The following WWOX variants were observed in gnomAD, a reference collection of about 807,000 sequenced individuals.
The protein encoded by WWOX is WW domain-containing oxidoreductase.
A neutral mutation model predicts 46.2 loss-of-function variants in WWOX; 69 were observed. That is an observed-to-expected ratio of 1.49 (90% confidence interval 1.23 to 1.82). The LOEUF (loss-of-function observed/expected upper bound fraction) is 1.82, where lower values mean the gene tolerates loss of function less well. WWOX is among the 40% of genes most tolerant of loss of function. The pLI is 0.00. For missense variants in WWOX, 919 were observed against 542.6 expected, an observed-to-expected ratio of 1.69 and a Z score of -6.89; for synonymous variants, 359 against 202.6, an observed-to-expected ratio of 1.77 and a Z score of -6.56.
chr16:78,995,466 G>A (rs1024887925), intron 8 of WWOX, among the ~76,000 whole-genome samples: 6 of 152,016 alleles, frequency 3.9e-5, no homozygotes, highest in Non-Finnish European at 5.9e-5. Context: ...TCACAGTGCC[G>A]ATTGGTAAAA....
intron 5 of WWOX, among the ~76,000 whole-genome samples, chr16:78,285,834 T>C (rs1185140710): frequency 6.6e-6 from 1 of 152,224 alleles, no homozygotes; most frequent in East Asian, 1.9e-4. Context: ...ACTGAGTATT[T>C]AATATCTGTG....
intron 8 of WWOX, among the ~76,000 whole-genome samples, chr16:78,743,771 A>G (rs1186637471): frequency 6.6e-6 from 1 of 152,106 alleles, no homozygotes; most frequent in African/African-American, 2.4e-5. Context: ...AGACATTTGC[A>G]TAGGAGTGTA....
chr16:79,058,127 AAC>A (rs1387387083), intron 8 of WWOX, among the ~76,000 whole-genome samples: 2 of 74,742 alleles, frequency 2.7e-5, no homozygotes, highest in Non-Finnish European at 2.4e-5. Flanking sequence ...AAAACAAACA[AAC>A]AAAAAAAAAA....
At chr16:78,860,858 A>G (rs1266068399) in intron 8 of WWOX, among the ~76,000 whole-genome samples, 1 of 152,094 alleles carries the variant, frequency 6.6e-6, no homozygotes, top group Non-Finnish European at 1.5e-5. Flanking sequence ...TGTTTTTGAG[A>G]TAGGGTCTCA....
intron 8 of WWOX, among the ~76,000 whole-genome samples, chr16:78,806,160 C>G (rs889172846): frequency 6.6e-6 from 1 of 152,272 alleles, no homozygotes; most frequent in East Asian, 1.9e-4. Context: ...ACTTAATTCC[C>G]TGATATAATA....
chr16:78,219,421 G>T (rs994846424), intron 5 of WWOX, among the ~76,000 whole-genome samples: 1 of 152,022 alleles, frequency 6.6e-6, no homozygotes, highest in Admixed American at 6.6e-5. Context: ...AAATGAAGCC[G>T]ACAAAATGCA....
chr16:78,758,484 A>G (rs2049712477), intron 8 of WWOX, among the ~76,000 whole-genome samples: 1 of 152,224 alleles, frequency 6.6e-6, no homozygotes, highest in Non-Finnish European at 1.5e-5. Context: ...CACAGATTGG[A>G]AGCAGGCTTC....
intron 8 of WWOX, among the ~76,000 whole-genome samples, chr16:78,706,854 T>A (rs990465470): frequency 1.3e-5 from 2 of 152,046 alleles, no homozygotes; most frequent in Non-Finnish European, 2.9e-5. Flanking sequence ...TGGAGTGTAA[T>A]TGACGCAATC....
At chr16:78,160,159 TG>T (rs1363999780) in intron 4 of WWOX, among the ~76,000 whole-genome samples, 2 of 152,134 alleles carry the variant, frequency 1.3e-5, no homozygotes. Context: ...TAGATCATCT[TG>T]GATGCTTAGA....
At chr16:78,844,518 C>A (rs999647332) in intron 8 of WWOX, among the ~76,000 whole-genome samples, 1 of 152,012 alleles carries the variant, frequency 6.6e-6, no homozygotes, top group East Asian at 1.9e-4. Context: ...CGAGCCCGAA[C>A]ATCAATCAGG....
chr16:78,604,553 G>A (rs998292114), intron 8 of WWOX, among the ~76,000 whole-genome samples: 1 of 152,082 alleles, frequency 6.6e-6, no homozygotes, highest in Non-Finnish European at 1.5e-5. Flanking sequence ...TTTTTCATGA[G>A]CTACGTTGTA....
intron 5 of WWOX, among the ~76,000 whole-genome samples, chr16:78,254,253 A>G (rs2038063378): frequency 6.6e-6 from 1 of 151,412 alleles, no homozygotes; most frequent in South Asian, 2.1e-4. Flanking sequence ...ATTTGTAGAG[A>G]TTGGTGGCAG....
intron 8 of WWOX, among the ~76,000 whole-genome samples, chr16:78,740,196 G>C (rs1005772589): frequency 6.6e-6 from 1 of 152,168 alleles, no homozygotes; most frequent in Non-Finnish European, 1.5e-5. Flanking sequence ...AGCACCATCA[G>C]CCTGAAGTTG....
intron 8 of WWOX, among the ~76,000 whole-genome samples, chr16:78,652,236 C>T (rs540841348): frequency 1.4e-5 from 2 of 141,202 alleles, no homozygotes; most frequent in South Asian, 4.5e-4. Context: ...ATGGTGAAAC[C>T]TGTCACTACT....
chr16:78,458,157 G>T (rs1449539516), intron 8 of WWOX, among the ~76,000 whole-genome samples: 1 of 151,818 alleles, frequency 6.6e-6, no homozygotes, highest in Non-Finnish European at 1.5e-5. Flanking sequence ...AGATGTGAAG[G>T]TGTGTTCCAT....
rs540301843 is a variant in WWOX at position 78,803,637 on chromosome 16, T to G, written c.1056+370885T>G. 9.9e-5 allele frequency among the ~76,000 whole-genome samples: 15 copies of G among 152,102 alleles called. No homozygotes were observed. In the South Asian group the frequency reaches 2.7e-3, roughly 27 times the overall value. Reference sequence around the variant, plus strand: ...CATGTTTTTAACTTTAATTTTTATTTTTGTAGAGATGTGGTCTCCCTATGT... The same window carrying G: ...CATGTTTTTAACTTTAATTTTTATTGTTGTAGAGATGTGGTCTCCCTATGT... On this transcript the variant is annotated intron_variant, in intron 8 of 8. Coordinates refer to ENST00000566780, the MANE Select transcript of WWOX (RefSeq NM_016373.4).
intron 8 of WWOX, among the ~76,000 whole-genome samples, chr16:79,189,610 A>C (rs1393015484): frequency 2.0e-5 from 3 of 151,986 alleles, no homozygotes; most frequent in African/African-American, 7.3e-5. Context: ...CTAGGAAAGC[A>C]TATTTTTGAG....
At chr16:78,306,162 G>C (rs1479849186) in intron 5 of WWOX, among the ~76,000 whole-genome samples, 3 of 152,120 alleles carry the variant, frequency 2.0e-5, no homozygotes. Context: ...TACATTTATA[G>C]TGAACGGGTG....
intron 8 of WWOX, among the ~76,000 whole-genome samples, chr16:78,655,353 A>C (rs2047056887): frequency 1.3e-5 from 2 of 152,188 alleles, no homozygotes; most frequent in African/African-American, 4.8e-5. Flanking sequence ...TGATATAATA[A>C]CGTTGGCTTG....
Sources: allele counts gnomAD v4.1 joint callset (sites outside exome capture counted in the v4.1 genomes callset), GRCh38; gene constraint gnomAD v4.1.1; transcripts MANE v1.5; gene names NCBI Gene and HGNC (gene_info 2026-07-23, HGNC 2026-07-21).